Variants in ACACA observed in about 807,000 individuals in gnomAD.
The protein encoded by ACACA is acetyl-CoA carboxylase alpha, also known as acetyl-CoA carboxylase 1.
A neutral mutation model predicts 296.1 loss-of-function variants in ACACA; 103 were observed. The ratio of observed to expected loss-of-function variants is 0.35; its 90% CI spans 0.30 to 0.41. ACACA has a LOEUF of 0.41. ACACA is among the 10% of genes least tolerant of loss of function. ACACA has a pLI of 1.00. For synonymous variants in ACACA, 953 were observed against 1,038.6 expected (o/e 0.92, Z 1.58); for missense variants, 1,554 against 2,989.7 (o/e 0.52, Z 11.20).
At chr17:37,324,378 T>C (rs946284834) in intron 3 of ACACA, among the ~76,000 whole-genome samples, 1 of 133,230 alleles carries the variant, frequency 7.5e-6, no homozygotes, top group African/African-American at 2.9e-5. Context: ...AAAAAATTAA[T>C]AAATAAGCCA....
chr17:37,207,922 T>C (rs1471861920), intron 30 of ACACA, 122 bp from the exon 31 acceptor site: 2 of 1,228,486 alleles, frequency 1.6e-6, no homozygotes, highest in Non-Finnish European at 2.4e-6. Flanking sequence ...CAGAGCAGAT[T>C]TGGTTTTTTT....
chr17:37,324,954 G>A (rs543388671), intron 3 of ACACA, among the ~76,000 whole-genome samples: 2 of 151,900 alleles, frequency 1.3e-5, no homozygotes, highest in South Asian at 4.2e-4. Context: ...CTGTAACCCA[G>A]CACTTTGGGA....
At chr17:37,175,419 AG>A (rs1179723899) in intron 41 of ACACA, among the ~76,000 whole-genome samples, 1 of 152,238 alleles carries the variant, frequency 6.6e-6, no homozygotes, top group Admixed American at 6.5e-5. Context: ...TTCCACCAAA[AG>A]ATCAAAACAG....
chr17:37,332,677 C>T (rs1408218418), intron 2 of ACACA, among the ~76,000 whole-genome samples: 3 of 151,804 alleles, frequency 2.0e-5, no homozygotes. Flanking sequence ...TTTGGTAGGC[C>T]GAGGTGGGTA....
chr17:37,344,705 A>C (rs1408659138), intron 1 of ACACA, among the ~76,000 whole-genome samples: 4 of 152,264 alleles, frequency 2.6e-5, no homozygotes, highest in African/African-American at 9.6e-5. Context: ...AGGCAAGCCC[A>C]AGAAAACTGA....
In ACACA at chr17:37,280,322, C is replaced by T. The variant is rs374662820; in HGVS notation, c.611-2317G>A. ...CTCCCGGGCTAAAGTGATTCTCCCA[C>T]CTCAGCCTCCGGAGTAGCTGAGACT... On this transcript the variant is annotated intron_variant, in intron 5 of 55. Coordinates refer to ENST00000616317, the MANE Select transcript of ACACA (RefSeq NM_198834.3). 2.6e-5 allele frequency among the ~76,000 whole-genome samples: 4 copies of T among 152,280 alleles called. No individual in the cohort carries two copies. In the East Asian group the frequency reaches 7.7e-4, roughly 29 times the overall value.
At chr17:37,173,993 TATATATATATATATATATATATATATA>T (rs1567761190) in intron 41 of ACACA, among the ~76,000 whole-genome samples, 18 of 9,706 alleles carry the variant, frequency 1.9e-3, no homozygotes, top group African/African-American at 6.8e-3. Context: ...TATATATATA[TATATATATATATATATATATATATATA>T]TTTTTTTTTT....
intron 1 of ACACA, among the ~76,000 whole-genome samples, chr17:37,400,467 C>T (rs1445668466): frequency 7.5e-6 from 1 of 133,868 alleles, no homozygotes; most frequent in African/African-American, 3.2e-5. Context: ...TAATAGATCT[C>T]CTGCACTTAT....
At chr17:37,376,753 G>A (rs924034046) in intron 1 of ACACA, among the ~76,000 whole-genome samples, 2 of 152,070 alleles carry the variant, frequency 1.3e-5, no homozygotes, top group African/African-American at 4.8e-5. Flanking sequence ...TCAGGAGTTC[G>A]AGACCAGCCT....
intron 45 of ACACA, chr17:37,141,072 A>G (rs551256021): frequency 4.6e-6 from 2 of 433,928 alleles, no homozygotes; most frequent in Admixed American, 2.7e-5. Context: ...CCAGACCAAC[A>G]TGGCCATTGT....
In ACACA at chr17:37,406,477, A is replaced by G. The variant is rs778431107; in HGVS notation, c.-178T>C. On this transcript the variant is annotated 5_prime_UTR_variant, in exon 1 of 56. Coordinates refer to ENST00000616317, the MANE Select transcript of ACACA (RefSeq NM_198834.3). ...TCGGGGCCCGGACTGGAGAGGCGCC[A>G]CGGCTCGCCGTCCCTGGGCCCAGTT... The G allele has an allele frequency of 2.0e-5, 14 of 692,788 alleles. No individual in the cohort carries two copies. The highest frequency in any genetic ancestry group is 3.3e-5 in the Non-Finnish European group (13 of 394,898). 42.9% of individuals were successfully genotyped at this position (692,788 alleles called of 1,614,324 possible).
intron 44 of ACACA, 48 bp downstream of exon 44, chr17:37,151,253 A>G: frequency 1.2e-6 from 2 of 1,611,884 alleles, no homozygotes; most frequent in Non-Finnish European, 1.7e-6. Context: ...AAATAAACCT[A>G]GCCACACAGC....
intron 1 of ACACA, among the ~76,000 whole-genome samples, chr17:37,372,568 T>C (rs1371634077): frequency 1.3e-5 from 2 of 152,258 alleles, no homozygotes; most frequent in African/African-American, 4.8e-5. Context: ...ATTTAGTCAA[T>C]TAAAGAGCCT....
chr17:37,375,777 G>T (rs2049977634), intron 1 of ACACA, among the ~76,000 whole-genome samples: 1 of 152,188 alleles, frequency 6.6e-6, no homozygotes, highest in Admixed American at 6.6e-5. Context: ...GCAAGTATTT[G>T]TAAAGCATAT....
chr17:37,390,175 T>TATATATATATATATACACAC (rs60788220), intron 1 of ACACA, among the ~76,000 whole-genome samples: 2 of 44,512 alleles, frequency 4.5e-5, no homozygotes, highest in Non-Finnish European at 7.2e-5. Flanking sequence ...TATATATATA[T>TATATATATATATATACACAC]ACACACACAC....
At chr17:37,231,101 C>T (rs2079837665) in intron 25 of ACACA, among the ~76,000 whole-genome samples, 1 of 152,022 alleles carries the variant, frequency 6.6e-6, no homozygotes, top group Non-Finnish European at 1.5e-5. Flanking sequence ...AGGCTGGGCA[C>T]AGTGGCTCAT....
intron 3 of ACACA, chr17:37,299,245 T>G: frequency 6.3e-7 from 1 of 1,599,602 alleles, no homozygotes; most frequent in Non-Finnish European, 8.6e-7. Flanking sequence ...TTTAAAGATA[T>G]ATATATTACC....
chr17:37,088,451 T>C (rs1359063096), intron 55 of ACACA, among the ~76,000 whole-genome samples: 1 of 152,206 alleles, frequency 6.6e-6, no homozygotes, highest in East Asian at 1.9e-4. Context: ...GGGTGTTCTT[T>C]GTACTGTTTT....
rs144376871 is a variant in ACACA, at chr17:37,275,294, A to G, written c.901+657T>C. 6.6e-3 allele frequency among the ~76,000 whole-genome samples: 1,007 copies of G among 152,146 alleles called. 10 individuals are homozygous for G. The highest frequency in any genetic ancestry group is 9.3e-3 in the Non-Finnish European group (633 of 67,972). On this transcript the variant is annotated intron_variant, in intron 8 of 55. Transcript: ENST00000616317. ...AGGTAGATCACAAGGTCAGGAGTTC[A>G]ACACCAGCCTGGCCAAGATGGTGAA... is the stretch of plus-strand genomic sequence containing the variant.
Sources: gnomAD v4.1 joint callset for allele counts (sites outside exome capture counted in the v4.1 genomes callset) on GRCh38, gnomAD v4.1.1 for gene constraint, MANE v1.5 for transcripts, NCBI Gene and HGNC (gene_info 2026-07-23, HGNC 2026-07-21) for gene names.